The following MTSS1 variants were observed in gnomAD, a reference collection of about 807,000 sequenced individuals.
MTSS1 encodes the protein protein MTSS 1.
MTSS1 carries 18 observed loss-of-function variants against 79.0 expected under a neutral mutation model. The ratio of observed to expected loss-of-function variants is 0.23; its 90% CI spans 0.16 to 0.34. The LOEUF (loss-of-function observed/expected upper bound fraction) is 0.34. MTSS1 is among the 10% of genes least tolerant of loss of function. The pLI is 1.00. For synonymous variants in MTSS1, 341 were observed against 368.6 expected, an observed-to-expected ratio of 0.93 and a Z score of 0.86; for missense variants, 815 against 986.2, an observed-to-expected ratio of 0.83 and a Z score of 2.33.
At chr8:124,693,224 T>C (rs1828246605) in intron 3 of MTSS1, among the ~76,000 whole-genome samples, 3 of 152,238 alleles carry the variant, frequency 2.0e-5, no homozygotes, top group South Asian at 2.1e-4. Context: ...AGCAGTTCTT[T>C]GTGGGTGCAG....
At chr8:124,686,333 CAAA>C (rs934313113) in intron 3 of MTSS1, among the ~76,000 whole-genome samples, 1 of 143,732 alleles carries the variant, frequency 7.0e-6, no homozygotes. Context: ...CTTCTGAAAA[CAAA>C]AAAAAAAACT....
chr8:124,715,010 C>T lies in MTSS1; in HGVS notation c.73-10819G>A, dbSNP rs578235613. ...GTTTATTCCTGTCTATAAATGTCCA[C>T]ATTAGATATTGAACCTGAGCAAAAC... is the stretch of plus-strand genomic sequence containing the variant. On this transcript the variant is annotated intron_variant, in intron 1 of 13. Transcript: ENST00000518547. Among the ~76,000 whole-genome samples, 5 of 152,338 alleles carry T rather than the reference C, an allele frequency of 3.3e-5. No individual in the cohort carries two copies. In the South Asian group the frequency reaches 1.0e-3, roughly 32 times the overall value.
rs962613542 is a variant in MTSS1, at chr8:124,727,159, G to C, written c.72+725C>G. Among the ~76,000 whole-genome samples, 1 of 152,162 alleles carries C rather than the reference G, an allele frequency of 6.6e-6. No homozygotes were observed. Among genetic ancestry groups the C allele is most frequent in the Non-Finnish European group, 1.5e-5 (1 of 68,010 alleles). On this transcript the variant is annotated intron_variant, in intron 1 of 13. Coordinates refer to ENST00000518547, the MANE Select transcript of MTSS1 (RefSeq NM_014751.6). This position sits in a 1 kb window ranked among gnomAD's most constrained non-coding sequence, Gnocchi z 4.7. Reference sequence around the variant, plus strand: ...CACAACCCTTCCAAGAGAAAACCTAGAGTGTGTGTCCGTTTGGGTCTGGGA... The same window carrying C: ...CACAACCCTTCCAAGAGAAAACCTACAGTGTGTGTCCGTTTGGGTCTGGGA...
chr8:124,636,903 C>T lies in MTSS1; in HGVS notation c.209-45668G>A, dbSNP rs535892881. 1.2e-4 allele frequency among the ~76,000 whole-genome samples: 18 copies of T among 152,274 alleles called. No homozygotes were observed. In the South Asian group the frequency reaches 2.9e-3, roughly 25 times the overall value. On this transcript the variant is annotated intron_variant, in intron 3 of 13. Transcript: ENST00000518547. ...AGGAGCCAATAGCAACTGACTCTGC[C>T]GAAATTATCCTCTCCCAGGTCTTAC...
intron 3 of MTSS1, among the ~76,000 whole-genome samples, chr8:124,608,533 G>A (rs953289574): frequency 2.0e-5 from 3 of 152,232 alleles, no homozygotes; most frequent in African/African-American, 7.2e-5. Flanking sequence ...TCAGGTTGCC[G>A]ACATCTTTTC....
At position 124,553,444 on chromosome 8, in the gene MTSS1, C is replaced by T. The variant is rs1563725193; in HGVS notation, c.1816G>A (p.Ala606Thr). The T allele has an allele frequency of 6.2e-7, 1 of 1,608,238 alleles. No homozygotes were observed. Residue 606 changes from alanine (A) to threonine (T), a missense_variant, in exon 14 of 14, where the codon GCT becomes ACT. Ala to Thr is a moderately conservative substitution (Grantham distance 58). Transcript: ENST00000518547. The surrounding 1 kb of genome is among the most constrained non-coding windows in gnomAD (Gnocchi z 6.0). ...GGTGTCTTGATGGGGATGGGACCAG[C>T]TCCAATGGTTCCCCGGCGGACAGAA... is the stretch of plus-strand genomic sequence containing the variant. ...KPSVRRGTIG[A>T]GPIPIKTPVI...
At chr8:124,575,618 C>A (rs1828820340) in intron 6 of MTSS1, among the ~76,000 whole-genome samples, 1 of 152,066 alleles carries the variant, frequency 6.6e-6, no homozygotes, top group African/African-American at 2.4e-5. Flanking sequence ...AGAGAGCTTT[C>A]AGTTCAAGGT....
intron 3 of MTSS1, among the ~76,000 whole-genome samples, chr8:124,649,122 C>T (rs1368719777): frequency 6.6e-6 from 1 of 152,258 alleles, no homozygotes; most frequent in Non-Finnish European, 1.5e-5. Context: ...TGGCAGCAGG[C>T]CAAATCCGGC....
At chr8:124,709,236 T>TATAA (rs1223460730) in intron 1 of MTSS1, among the ~76,000 whole-genome samples, 3 of 152,190 alleles carry the variant, frequency 2.0e-5, no homozygotes, top group East Asian at 3.9e-4. Flanking sequence ...TAGAGCCCTT[T>TATAA]AGAAAGCAAT....
rs1020062309 is a variant in MTSS1, at chr8:124,597,089, A to G, written c.209-5854T>C. 5.9e-5 allele frequency among the ~76,000 whole-genome samples: 9 copies of G among 152,116 alleles called. No homozygotes were observed. The highest frequency in any genetic ancestry group is 1.3e-4 in the Non-Finnish European group (9 of 68,012). On this transcript the variant is annotated intron_variant, in intron 3 of 13. Coordinates refer to ENST00000518547, the MANE Select transcript of MTSS1 (RefSeq NM_014751.6). This position sits in a 1 kb window ranked among gnomAD's most constrained non-coding sequence, Gnocchi z 4.6. ...GCCCACATCCTACCGTGCAGCAAAA[A>G]CTAACGTGATTTCAAGGACGGTGAA... is the stretch of plus-strand genomic sequence containing the variant.
At chr8:124,722,609 C>T (rs1316803571) in intron 1 of MTSS1, among the ~76,000 whole-genome samples, 2 of 152,172 alleles carry the variant, frequency 1.3e-5, no homozygotes, top group Admixed American at 6.5e-5. Flanking sequence ...ATTTCATTTT[C>T]CTCTCCTGTT....
At chr8:124,660,082 A>G (rs1821716056) in intron 3 of MTSS1, among the ~76,000 whole-genome samples, 2 of 152,084 alleles carry the variant, frequency 1.3e-5, no homozygotes, top group Admixed American at 6.5e-5. Flanking sequence ...TAGGATGGCC[A>G]CTCTGAGTAG....
rs763232256 is a variant in MTSS1, at chr8:124,553,060, C to T, written c.2200G>A (p.Ala734Thr). Reference protein sequence around the residue: ...DTPQGEDMLNAIRRGVKLKKT... With the variant: ...DTPQGEDMLNTIRRGVKLKKT... Reference sequence around the variant, plus strand: ...TTCAGTTTCACGCCCCTTCGGATGGCGTTCAGCATGTCTTCTCCTTGTGGA... The same window carrying T: ...TTCAGTTTCACGCCCCTTCGGATGGTGTTCAGCATGTCTTCTCCTTGTGGA... Residue 734 changes from alanine (A) to threonine (T), a missense_variant, in exon 14 of 14, where the codon GCC becomes ACC. Ala to Thr is a moderately conservative substitution (Grantham distance 58). Coordinates refer to ENST00000518547, the MANE Select transcript of MTSS1 (RefSeq NM_014751.6). The surrounding 1 kb of genome is among the most constrained non-coding windows in gnomAD (Gnocchi z 6.0). The T allele has an allele frequency of 4.0e-5, 64 of 1,613,990 alleles. No individual in the cohort carries two copies. The highest frequency in any genetic ancestry group is 5.0e-5 in the Non-Finnish European group (59 of 1,180,028).
chr8:124,639,655 G>T (rs1187765619), intron 3 of MTSS1, among the ~76,000 whole-genome samples: 1 of 151,942 alleles, frequency 6.6e-6, no homozygotes. Flanking sequence ...GTAGAGATGG[G>T]GTTTTTCCAT....
intron 3 of MTSS1, among the ~76,000 whole-genome samples, chr8:124,641,506 G>C (rs1286763922): frequency 6.6e-6 from 1 of 152,120 alleles, no homozygotes; most frequent in Admixed American, 6.5e-5. Context: ...AGAACATATG[G>C]AAAGTGCCCA....
Position 124,553,328 on chromosome 8 carries a change from G to T in MTSS1, c.1932C>A (p.Ser644Arg), listed in dbSNP as rs1011446065. ...CCTCACCCACAGATGGCGACTCAGGGCTGTGCTCCCCCCGCTCTTCTGGCC... is the reference window on the plus strand; with the variant it reads ...CCTCACCCACAGATGGCGACTCAGGTCTGTGCTCCCCCCGCTCTTCTGGCC... ...PDGPEERGEH[S>R]PESPSVGEGP... is the part of the protein sequence containing the mutation. Residue 644 changes from serine (S) to arginine (R), a missense_variant, in exon 14 of 14, where the codon AGC (serine) becomes AGA (arginine). Around this residue, in one of 2 missense-constraint regions of MTSS1, gnomAD observed 590 missense variants for 620.8 expected, o/e 0.95. Transcript: ENST00000518547. This position sits in a 1 kb window ranked among gnomAD's most constrained non-coding sequence, Gnocchi z 6.0. 5 of 1,613,820 alleles carry T rather than the reference G, an allele frequency of 3.1e-6. No homozygotes were observed. In the African/African-American group the frequency reaches 4.0e-5, roughly 13 times the overall value.
At chr8:124,614,191 G>C (rs577748298) in intron 3 of MTSS1, among the ~76,000 whole-genome samples, 1 of 149,618 alleles carries the variant, frequency 6.7e-6, no homozygotes, top group African/African-American at 2.5e-5. Context: ...AAAAGGGTAG[G>C]AATATAGCAA....
chr8:124,579,801 G>A (rs1288144622), intron 6 of MTSS1: 2 of 152,120 alleles, frequency 1.3e-5, no homozygotes, highest in Non-Finnish European at 1.5e-5. Flanking sequence ...AATGCTCAGG[G>A]AACACCTGGG....
At chr8:124,681,540 C>T (rs1291445807) in intron 3 of MTSS1, among the ~76,000 whole-genome samples, 1 of 152,218 alleles carries the variant, frequency 6.6e-6, no homozygotes, top group Non-Finnish European at 1.5e-5. Context: ...GTAATCCCAG[C>T]ACTTTGGGAG....
Sources: gnomAD v4.1 joint callset for allele counts (sites outside exome capture counted in the v4.1 genomes callset) on GRCh38, gnomAD v4.1.1 for gene constraint, gnomAD v4.1.1 regional missense constraint, Gnocchi (gnomAD v3.1) non-coding constraint, MANE v1.5 for transcripts, NCBI Gene and HGNC (gene_info 2026-07-23, HGNC 2026-07-21) for gene names.